The following STARD13 variants were observed in gnomAD, a reference collection of about 807,000 sequenced individuals.
STARD13 encodes stAR-related lipid transfer protein 13.
In STARD13, 62 loss-of-function variants were observed where a neutral mutation model predicts 106.4. That is an observed-to-expected ratio of 0.58 (90% CI 0.48 to 0.72). STARD13 has a LOEUF of 0.72. Ranked by LOEUF, STARD13 falls within the 30% of genes least tolerant of loss-of-function variation. STARD13 has a pLI of 0.00. For missense variants in STARD13, 1,387 were observed against 1,424.0 expected (o/e 0.97, Z 0.42); for synonymous variants, 565 against 553.0 (o/e 1.02, Z -0.31).
the STARD13 span, among the ~76,000 whole-genome samples, chr13:33,649,926 G>A: frequency 6.6e-6 from 1 of 152,002 alleles, no homozygotes. Context: ...TTTGTCTAAG[G>A]TTTTATTCTT....
rs1873292613 is a variant in STARD13 at position 33,103,185 on chromosome 13, G to T, written c.*2408C>A. ...TAATATATATAAATTTATTTGCCTT[G>T]GCAATTATTTATTTACAATTGATGA... On this transcript the variant is annotated 3_prime_UTR_variant, in exon 14 of 14. Coordinates refer to ENST00000336934, the MANE Select transcript of STARD13 (RefSeq NM_178006.4). The T allele has an allele frequency of 6.6e-6, 1 of 152,380 alleles. No homozygotes were observed. Among genetic ancestry groups the T allele is most frequent in the Admixed American group, 6.6e-5 (1 of 15,262 alleles). 9.4% of individuals were successfully genotyped at this position (152,380 alleles called of 1,614,324 possible).
At chr13:33,544,768 C>CTTTTTT in the STARD13 span, among the ~76,000 whole-genome samples, 1 of 131,820 alleles carries the variant, frequency 7.6e-6, no homozygotes, top group African/African-American at 2.8e-5. Context: ...GTTGTTTTTT[C>CTTTTTT]TCTTTTTTTT....
intron 1 of STARD13, among the ~76,000 whole-genome samples, chr13:33,253,896 G>T (rs1334841800): frequency 6.6e-6 from 1 of 152,226 alleles, no homozygotes; most frequent in African/African-American, 2.4e-5. Context: ...AAACATAAAT[G>T]AAGGTTTTTC....
chr13:33,595,444 A>T, the STARD13 span, among the ~76,000 whole-genome samples: 4 of 152,290 alleles, frequency 2.6e-5, no homozygotes, highest in Non-Finnish European at 1.5e-5. Context: ...AATTAAATGG[A>T]TCACTAGGCT....
the STARD13 span, among the ~76,000 whole-genome samples, chr13:33,463,436 G>T: frequency 6.6e-6 from 1 of 152,306 alleles, no homozygotes; most frequent in East Asian, 1.9e-4. Flanking sequence ...TCCAGGTGCT[G>T]CCATGGTAAT....
the STARD13 span, among the ~76,000 whole-genome samples, chr13:33,387,638 G>A: frequency 6.6e-6 from 1 of 152,190 alleles, no homozygotes; most frequent in African/African-American, 2.4e-5. Context: ...GTTTATTGGG[G>A]AATTTACAGA....
chr13:33,261,379 G>A (rs1446175495), intron 1 of STARD13, among the ~76,000 whole-genome samples: 7 of 152,194 alleles, frequency 4.6e-5, no homozygotes, highest in Non-Finnish European at 8.8e-5. Context: ...TTTAGATAGA[G>A]AGTAACTACA....
At chr13:33,360,348 G>A in the STARD13 span, among the ~76,000 whole-genome samples, 1 of 151,942 alleles carries the variant, frequency 6.6e-6, no homozygotes, top group African/African-American at 2.4e-5. Context: ...GGGACTATAG[G>A]CGCGTGCCAC....
rs558517919 is a variant in STARD13, at chr13:33,170,127, T to C, written c.170-2505A>G. On this transcript the variant is annotated intron_variant, in intron 1 of 13. Coordinates refer to ENST00000336934, the MANE Select transcript of STARD13 (RefSeq NM_178006.4). ...GTAACTACAGTCAATAACAACTTAT[T>C]TGTACATTTTTAAATAACTAAAAGA... 1.5e-4 allele frequency among the ~76,000 whole-genome samples: 23 copies of C among 152,286 alleles called. No individual in the cohort carries two copies. In the South Asian group the frequency reaches 3.7e-3, roughly 25 times the overall value.
intron 3 of STARD13, chr13:33,164,458 G>A (rs565605326): frequency 3.9e-5 from 6 of 152,236 alleles, no homozygotes; most frequent in Admixed American, 3.3e-4. Context: ...AGGAATACTG[G>A]GTTTTAAGGT....
chr13:33,274,913 C>A (rs1048634671), intron 1 of STARD13, among the ~76,000 whole-genome samples: 36 of 152,086 alleles, frequency 2.4e-4, no homozygotes, highest in African/African-American at 8.2e-4. Context: ...CCCGGCCCTT[C>A]GGTTTAATGT....
chr13:33,672,899 T>C, the STARD13 span, among the ~76,000 whole-genome samples: 1 of 152,250 alleles, frequency 6.6e-6, no homozygotes, highest in African/African-American at 2.4e-5. Flanking sequence ...AGTGAATCTG[T>C]TCTGAATGCT....
At chr13:33,206,366 A>AACACACAC (rs59306930) in intron 1 of STARD13, among the ~76,000 whole-genome samples, 6 of 149,470 alleles carry the variant, frequency 4.0e-5, no homozygotes, top group Admixed American at 6.7e-5. Context: ...CCATGACTGA[A>AACACACAC]ACACACACAC....
At chr13:33,343,172 C>T (rs1192337060) in intron 1 of STARD13, among the ~76,000 whole-genome samples, 4 of 152,030 alleles carry the variant, frequency 2.6e-5, no homozygotes, top group Non-Finnish European at 1.5e-5. Flanking sequence ...GCAAATCTGC[C>T]AGTTATCCTC....
chr13:33,333,948 C>A (rs957602560), intron 1 of STARD13: 2 of 152,152 alleles, frequency 1.3e-5, no homozygotes, highest in Non-Finnish European at 2.9e-5. Flanking sequence ...TGACCTGCAA[C>A]AGGTGAATTT....
At chr13:33,133,099 A>T (rs1878550873) in intron 4 of STARD13, among the ~76,000 whole-genome samples, 2 of 152,226 alleles carry the variant, frequency 1.3e-5, no homozygotes, top group Non-Finnish European at 1.5e-5. Flanking sequence ...GAAAATATAG[A>T]TATTTTAAAA....
At chr13:33,301,424 C>T (rs546969632) in intron 1 of STARD13, among the ~76,000 whole-genome samples, 5 of 152,128 alleles carry the variant, frequency 3.3e-5, no homozygotes, top group Non-Finnish European at 5.9e-5. Context: ...GTCTAATATG[C>T]CTTTTACTTC....
intron 1 of STARD13, among the ~76,000 whole-genome samples, chr13:33,339,868 C>T (rs545049171): frequency 3.5e-4 from 53 of 150,322 alleles, no homozygotes; most frequent in Middle Eastern, 3.4e-3. Flanking sequence ...AGGTGGATCA[C>T]GAAGTCAGGA....
chr13:33,138,039 T>G (rs560376929), intron 4 of STARD13, among the ~76,000 whole-genome samples: 20 of 152,354 alleles, frequency 1.3e-4, no homozygotes, highest in African/African-American at 4.3e-4. Context: ...ATGGTTTCTG[T>G]GTTGCTTTCC....
Sources: allele counts gnomAD v4.1 joint callset (sites outside exome capture counted in the v4.1 genomes callset), GRCh38; gene constraint gnomAD v4.1.1; transcripts MANE v1.5; gene names NCBI Gene and HGNC (gene_info 2026-07-23, HGNC 2026-07-21).